The following PIAS2 variants were observed in gnomAD, a reference collection of about 807,000 sequenced individuals.
PIAS2 encodes the protein E3 SUMO-protein ligase PIAS2.
In PIAS2, 19 loss-of-function variants were observed where a neutral mutation model predicts 69.7. The observed-to-expected ratio is 0.27, with a 90% confidence interval of 0.19 to 0.40. PIAS2 has a LOEUF of 0.40. Ranked by LOEUF, PIAS2 falls within the 10% of genes least tolerant of loss-of-function variation. PIAS2 has a pLI of 1.00. For synonymous variants in PIAS2, 261 were observed against 263.2 expected, an observed-to-expected ratio of 0.99 and a Z score of 0.08; for missense variants, 624 against 757.0, an observed-to-expected ratio of 0.82 and a Z score of 2.06.
Position 46,803,677 on chromosome 18 carries a change from C to T in PIAS2, c.*8756G>A, listed in dbSNP as rs535456027. ...ATTTGGGTCAGGTGGCTAGCCATCA[C>T]AGTGAGGATAAATTATGTTTACAAT... On this transcript the variant is annotated 3_prime_UTR_variant, in exon 14 of 14. Transcript: ENST00000585916. 1.3e-5 allele frequency: 2 copies of T among 152,332 alleles called. No homozygotes were observed. The highest frequency in any genetic ancestry group is 4.2e-4 in the South Asian group (2 of 4,818). 9.4% of individuals were successfully genotyped at this position (152,332 alleles called of 1,614,324 possible).
intron 11 of PIAS2, 84 bp downstream of exon 11, chr18:46,827,875 T>C: frequency 1.7e-6 from 2 of 1,208,316 alleles, no homozygotes; most frequent in Non-Finnish European, 1.2e-6. Flanking sequence ...AGTTATGCCA[T>C]TTCCCAAAGA....
intron 10 of PIAS2, among the ~76,000 whole-genome samples, chr18:46,829,446 C>A (rs574052150): frequency 2.6e-4 from 39 of 152,280 alleles, no homozygotes; most frequent in Non-Finnish European, 3.4e-4. Flanking sequence ...CATATAAATT[C>A]ATTTGTGACT....
intron 3 of PIAS2, among the ~76,000 whole-genome samples, chr18:46,860,883 G>A (rs2048556140): frequency 6.6e-6 from 1 of 152,098 alleles, no homozygotes; most frequent in Admixed American, 6.5e-5. Context: ...GGGCTGAGAT[G>A]GGAGGATCAT....
In PIAS2 at chr18:46,863,311, T is replaced by A. The variant is rs544909789; in HGVS notation, c.584+853A>T. 5.3e-5 allele frequency among the ~76,000 whole-genome samples: 8 copies of A among 152,286 alleles called. No individual in the cohort carries two copies. The South Asian group carries it at 1.7e-3, about 32-fold the overall frequency. On this transcript the variant is annotated intron_variant, in intron 3 of 13. Transcript: ENST00000585916. ...TTTGGGCTACTATAAATTCTTTTTA[T>A]ATTGCTTTACCCAATATATATATTT...
At position 46,806,383 on chromosome 18, in the gene PIAS2, GGTC is replaced by G. The variant is rs2040692286; in HGVS notation, c.*6047_*6049del. On this transcript the variant is annotated 3_prime_UTR_variant, in exon 14 of 14. Transcript: ENST00000585916. ...TTTTTTTTTTTTTTTTTTTTTTTTT[GGTC>G]TCACTCTGTCACCCAGGCTGGAGTA... 1.0e-4 allele frequency: 1 copy of G among 9,780 alleles called. No homozygotes were observed. Among genetic ancestry groups the G allele is most frequent in the African/African-American group, 2.6e-4 (1 of 3,892 alleles). 0.6% of individuals were successfully genotyped at this position (9,780 alleles called of 1,614,324 possible).
At chr18:46,820,426 G>A (rs533396255) in intron 12 of PIAS2, among the ~76,000 whole-genome samples, 157 of 152,170 alleles carry the variant, frequency 1.0e-3, no homozygotes, top group South Asian at 2.1e-3. Flanking sequence ...CTTATCCCCC[G>A]TGGATAAGGG....
rs1187769743 is a variant in PIAS2, at chr18:46,880,018, G to A, written c.499+10562C>T. ...TCTCTGGAGATAGATGGCAGCGATG[G>A]TTCCAACAATATTAATATACTTCAT... is the stretch of plus-strand genomic sequence containing the variant. On this transcript the variant is annotated intron_variant, in intron 2 of 13. Transcript: ENST00000585916. Among the ~76,000 whole-genome samples, 5 of 150,936 alleles carry A rather than the reference G, an allele frequency of 3.3e-5. No individual in the cohort carries two copies. In the East Asian group the frequency reaches 9.7e-4, roughly 29 times the overall value.
Position 46,808,464 on chromosome 18 carries a change from G to C in PIAS2, c.*3969C>G, listed in dbSNP as rs988519798. 3 of 152,164 alleles carry C rather than the reference G, an allele frequency of 2.0e-5. No individual in the cohort carries two copies. Among genetic ancestry groups the C allele is most frequent in the Non-Finnish European group, 4.4e-5 (3 of 68,038 alleles). 9.4% of individuals were successfully genotyped at this position (152,164 alleles called of 1,614,324 possible). A position where few individuals can be genotyped will look rare whatever the true frequency, so the allele number is the denominator to read the frequency against. On this transcript the variant is annotated 3_prime_UTR_variant, in exon 14 of 14. Transcript: ENST00000585916. The stretch of plus-strand genomic sequence containing the variant: ...CAGGTTCCTAACAAAGTAGGGGTGA[G>C]GGGGGTGTTACAAACCAGTCACTAG...
At chr18:46,815,044 T>C (rs1279389326) in intron 13 of PIAS2, among the ~76,000 whole-genome samples, 1 of 152,230 alleles carries the variant, frequency 6.6e-6, no homozygotes, top group Non-Finnish European at 1.5e-5. Flanking sequence ...CTATTCATTC[T>C]AATCATTCAA....
At chr18:46,899,700 C>T (rs1308284997) in intron 1 of PIAS2, among the ~76,000 whole-genome samples, 1 of 152,196 alleles carries the variant, frequency 6.6e-6, no homozygotes, top group Admixed American at 6.5e-5. Flanking sequence ...CTCCTGGGCT[C>T]AAGTGATGCT....
chr18:46,815,416 C>T, intron 12 of PIAS2, 67 bp from the exon 13 acceptor site: 2 of 1,604,820 alleles, frequency 1.2e-6, no homozygotes, highest in Non-Finnish European at 1.7e-6. Flanking sequence ...TTCCCTAAAT[C>T]ATCTTTATCA....
intron 11 of PIAS2, among the ~76,000 whole-genome samples, chr18:46,824,284 C>T (rs1396764531): frequency 6.6e-6 from 1 of 152,146 alleles, no homozygotes; most frequent in Non-Finnish European, 1.5e-5. Context: ...TCACTGTATG[C>T]TCCCACTTTA....
intron 12 of PIAS2, chr18:46,817,261 G>C (rs868137011): frequency 2.0e-6 from 2 of 983,918 alleles, no homozygotes; most frequent in Non-Finnish European, 2.4e-6. Context: ...TATTGACAAT[G>C]GTGTTGGAAT....
rs543406071 is a variant in PIAS2, at chr18:46,886,114, TC to T, written c.499+4465del. ...AGCCTACTACAGCATCTTCACTTAG[TC>T]CCCCCCAGTCTTCTGTCCATGTCTC... is the stretch of plus-strand genomic sequence containing the variant. On this transcript the variant is annotated intron_variant, in intron 2 of 13. Transcript: ENST00000585916. Among the ~76,000 whole-genome samples the T allele has an allele frequency of 3.3e-5, 5 of 151,990 alleles. No homozygotes were observed. In the East Asian group the frequency reaches 9.7e-4, roughly 29 times the overall value.
chr18:46,905,172 T>C (rs2056436905), intron 1 of PIAS2, among the ~76,000 whole-genome samples: 2 of 152,158 alleles, frequency 1.3e-5, no homozygotes, highest in Admixed American at 6.5e-5. Context: ...ACACACCAAT[T>C]GGCATCACAC....
At chr18:46,817,603 G>A (rs777610513) in intron 12 of PIAS2, 2 of 950,170 alleles carry the variant, frequency 2.1e-6, no homozygotes, top group African/African-American at 3.5e-5. Flanking sequence ...ACGGAAAATT[G>A]AATGTGGTGA....
chr18:46,883,931 C>G (rs1453360877), intron 2 of PIAS2, among the ~76,000 whole-genome samples: 2 of 152,148 alleles, frequency 1.3e-5, no homozygotes, highest in Non-Finnish European at 1.5e-5. Flanking sequence ...TCACTTGAAC[C>G]TGAGAGGTAG....
chr18:46,912,161 T>G (rs765737000), intron 1 of PIAS2, among the ~76,000 whole-genome samples: 7 of 152,196 alleles, frequency 4.6e-5, no homozygotes, highest in Admixed American at 6.5e-5. Context: ...TATATCTTTT[T>G]CTGAAAGACC....
At chr18:46,894,471 C>T (rs895747827) in intron 1 of PIAS2, among the ~76,000 whole-genome samples, 8 of 152,110 alleles carry the variant, frequency 5.3e-5, no homozygotes, top group African/African-American at 1.9e-4. Context: ...GCGGTTTTTC[C>T]ACTCCACTGC....
Sources: allele counts gnomAD v4.1 joint callset (sites outside exome capture counted in the v4.1 genomes callset), GRCh38; gene constraint gnomAD v4.1.1; transcripts MANE v1.5; gene names NCBI Gene and HGNC (gene_info 2026-07-23, HGNC 2026-07-21).